The following SNAP91 variants were observed in gnomAD, a reference collection of about 807,000 sequenced individuals.
The protein encoded by SNAP91 is clathrin coat assembly protein AP180.
A neutral mutation model predicts 100.3 loss-of-function variants in SNAP91; 27 were observed. That is an observed-to-expected ratio of 0.27 (90% CI 0.20 to 0.37). The LOEUF is 0.37. Ranked by LOEUF, SNAP91 falls within the 10% of genes least tolerant of loss-of-function variation. The pLI, the probability that SNAP91 is intolerant of heterozygous loss-of-function variation, is 1.00. For synonymous variants in SNAP91, 404 were observed against 398.6 expected (o/e 1.01, Z -0.16); for missense variants, 986 against 1,123.7 (o/e 0.88, Z 1.75).
At chr6:83,637,389 C>T (rs778004123) in intron 8 of SNAP91, among the ~76,000 whole-genome samples, 6 of 152,142 alleles carry the variant, frequency 3.9e-5, no homozygotes, top group East Asian at 1.9e-4. Context: ...TGACTACTAG[C>T]GGTCTGGTGT....
chr6:83,557,218 T>C (rs1780128203), intron 28 of SNAP91, among the ~76,000 whole-genome samples: 1 of 152,192 alleles, frequency 6.6e-6, no homozygotes, highest in Non-Finnish European at 1.5e-5. Context: ...TAATCTCCTA[T>C]GCTTGTAGTA....
chr6:83,653,609 C>A (rs991421011), intron 7 of SNAP91, among the ~76,000 whole-genome samples: 6 of 152,132 alleles, frequency 3.9e-5, no homozygotes, highest in African/African-American at 1.4e-4. Flanking sequence ...CCTGCCATGT[C>A]GGGTTCTGAT....
chr6:83,580,242 C>T (rs763162663), intron 24 of SNAP91, among the ~76,000 whole-genome samples: 6 of 152,006 alleles, frequency 3.9e-5, no homozygotes, highest in Non-Finnish European at 7.4e-5. Flanking sequence ...ATGGGTATTG[C>T]TCGTGAGCCA....
chr6:83,615,798 T>G (rs1302924853), intron 10 of SNAP91, among the ~76,000 whole-genome samples: 1 of 151,990 alleles, frequency 6.6e-6, no homozygotes, highest in African/African-American at 2.4e-5. Context: ...AAAAAAAAAG[T>G]AACATCAAGA....
chr6:83,683,038 CA>C (rs2099013495), intron 2 of SNAP91, among the ~76,000 whole-genome samples: 1 of 152,076 alleles, frequency 6.6e-6, no homozygotes, highest in Non-Finnish European at 1.5e-5. Context: ...TCTAAAATGC[CA>C]AAACCAATGG....
At chr6:83,555,588 T>C (rs1406989245) in intron 29 of SNAP91, among the ~76,000 whole-genome samples, 1 of 152,220 alleles carries the variant, frequency 6.6e-6, no homozygotes, top group Non-Finnish European at 1.5e-5. Context: ...TTTTCCTTCA[T>C]TCGTTTCCTT....
intron 9 of SNAP91, among the ~76,000 whole-genome samples, chr6:83,621,667 A>G (rs962097126): frequency 6.6e-6 from 1 of 152,142 alleles, no homozygotes; most frequent in African/African-American, 2.4e-5. Flanking sequence ...CTCATTGTCT[A>G]ATGTTAAAAG....
At chr6:83,579,175 A>G (rs1320513669) in intron 24 of SNAP91, among the ~76,000 whole-genome samples, 5 of 152,084 alleles carry the variant, frequency 3.3e-5, no homozygotes, top group Admixed American at 2.0e-4. Context: ...GATTGCTTCA[A>G]ATTTTTTCTT....
chr6:83,630,489 T>C (rs35865845), intron 8 of SNAP91, among the ~76,000 whole-genome samples: 27,211 of 152,086 alleles, frequency 0.18, 3,131 homozygotes, highest in South Asian at 0.28. Flanking sequence ...GGGCATTTTT[T>C]TGTTGGTAAT....
Position 83,610,639 on chromosome 6 carries a change from A to G in SNAP91, c.912+11T>C, listed in dbSNP as rs201114406. On this transcript the variant is annotated intron_variant, in intron 12 of 29. Coordinates refer to ENST00000369694, the MANE Select transcript of SNAP91 (RefSeq NM_001242792.2). ...AAAAACAAAAACCCCCAAACAAAAA[A>G]CCAAACTTACCTTACTTAATGGAGA... 21 of 603,812 alleles carry G rather than the reference A, an allele frequency of 3.5e-5. No homozygotes were observed. Among genetic ancestry groups the G allele is most frequent in the Non-Finnish European group, 9.3e-6 (3 of 321,796 alleles). The allele number at this position is 603,812 out of a possible 1,614,324, so 37.4% of individuals were successfully genotyped here. A position where few individuals can be genotyped will look rare whatever the true frequency, so the allele number is the denominator to read the frequency against.
rs543699030 is a variant in SNAP91, at chr6:83,688,252, C to T, written c.130+19546G>A. On this transcript the variant is annotated intron_variant, in intron 2 of 29. Coordinates refer to ENST00000369694, the MANE Select transcript of SNAP91 (RefSeq NM_001242792.2). ...TCTTTTTATCTAGTCTCCTTTTGCTCTAATGAAGCCATCTTCTACATAACC... is the reference window on the plus strand; with the variant it reads ...TCTTTTTATCTAGTCTCCTTTTGCTTTAATGAAGCCATCTTCTACATAACC... Among the ~76,000 whole-genome samples the T allele has an allele frequency of 4.6e-5, 7 of 152,218 alleles. 1 individual carries two copies. In the South Asian group the frequency reaches 1.2e-3, roughly 27 times the overall value.
chr6:83,620,352 C>G (rs2096662638), intron 9 of SNAP91, among the ~76,000 whole-genome samples: 1 of 152,184 alleles, frequency 6.6e-6, no homozygotes, highest in South Asian at 2.1e-4. Context: ...TGGCCGCAGA[C>G]AAGCCTGGTA....
chr6:83,659,525 A>G (rs1042604755), intron 5 of SNAP91, among the ~76,000 whole-genome samples: 6 of 151,386 alleles, frequency 4.0e-5, no homozygotes, highest in African/African-American at 1.2e-4. Context: ...CCTGGGCACA[A>G]GTGATTCTCC....
chr6:83,590,439 T>C (rs2093574840), intron 22 of SNAP91, among the ~76,000 whole-genome samples: 1 of 152,094 alleles, frequency 6.6e-6, no homozygotes, highest in South Asian at 2.1e-4. Flanking sequence ...TATATACTAC[T>C]TGGGCCACAA....
chr6:83,604,552 G>A (rs2095492611), intron 14 of SNAP91, among the ~76,000 whole-genome samples: 1 of 152,070 alleles, frequency 6.6e-6, no homozygotes, highest in Admixed American at 6.6e-5. Context: ...GACTTTTGAT[G>A]TTATACTGAC....
At chr6:83,593,393 TAC>T (rs1389218413) in intron 18 of SNAP91, 83 bp downstream of exon 18, 2 of 1,523,330 alleles carry the variant, frequency 1.3e-6, no homozygotes, top group Admixed American at 2.0e-5. Context: ...ACCATTTAAT[TAC>T]ACAGTCTTCA....
intron 2 of SNAP91, chr6:83,686,236 C>A (rs571784556): frequency 1.0e-6 from 1 of 978,612 alleles, no homozygotes; most frequent in Non-Finnish European, 1.2e-6. Context: ...GCAAAACATA[C>A]GAAATTAGAT....
intron 2 of SNAP91, among the ~76,000 whole-genome samples, chr6:83,688,245 T>C (rs2099086456): frequency 6.6e-6 from 1 of 152,166 alleles, no homozygotes; most frequent in African/African-American, 2.4e-5. Flanking sequence ...TCTAGTCTCC[T>C]TTTGCTCTAA....
intron 2 of SNAP91, among the ~76,000 whole-genome samples, chr6:83,670,644 C>T (rs72905511): frequency 1.1e-3 from 170 of 151,906 alleles, no homozygotes; most frequent in Non-Finnish European, 1.8e-3. Context: ...TAGGGTTGTA[C>T]GTACACTTAG....
Sources: allele counts gnomAD v4.1 joint callset (sites outside exome capture counted in the v4.1 genomes callset), GRCh38; gene constraint gnomAD v4.1.1; transcripts MANE v1.5; gene names NCBI Gene and HGNC (gene_info 2026-07-23, HGNC 2026-07-21).